Variants in CBFA2T3 observed in about 807,000 individuals in gnomAD.
CBFA2T3 encodes the protein transcriptional corepressor CBFA2T3.
In CBFA2T3, 31 loss-of-function variants were observed where a neutral mutation model predicts 58.6. The ratio of observed to expected loss-of-function variants is 0.53; its 90% CI spans 0.40 to 0.71. CBFA2T3 has a LOEUF of 0.71. Ranked by LOEUF, CBFA2T3 falls within the 30% of genes least tolerant of loss-of-function variation. The pLI, the probability that CBFA2T3 is intolerant of heterozygous loss-of-function variation, is 0.00. For synonymous variants in CBFA2T3, 531 were observed against 421.9 expected, an observed-to-expected ratio of 1.26 and a Z score of -3.17; for missense variants, 1,076 against 963.1, an observed-to-expected ratio of 1.12 and a Z score of -1.55.
At chr16:88,920,364 C>T (rs1447795299) in intron 1 of CBFA2T3, among the ~76,000 whole-genome samples, 1 of 152,156 alleles carries the variant, frequency 6.6e-6, no homozygotes, top group East Asian at 1.9e-4. Flanking sequence ...GCAACCTCTG[C>T]CTCTCAGGTT....
At chr16:88,938,755 C>T (rs1311632535) in intron 1 of CBFA2T3, 2 of 152,252 alleles carry the variant, frequency 1.3e-5, no homozygotes, top group Admixed American at 6.5e-5. Flanking sequence ...GCTTCTGGTT[C>T]CTCCCTGCCA....
chr16:88,950,338 C>A, intron 1 of CBFA2T3: 1 of 416,122 alleles, frequency 2.4e-6, no homozygotes, highest in South Asian at 1.7e-5. Flanking sequence ...GTTCACCCGT[C>A]CCCTGGACCG....
chr16:88,901,757 GCCCAGCGCTGGGGCAGTCTGC>G, intron 1 of CBFA2T3, 101 bp from the exon 2 acceptor site: 1 of 1,083,854 alleles, frequency 9.2e-7, no homozygotes. Context: ...CTGAGTGTCC[GCCCAGCGCTGGGGCAGTCTGC>G]CCCAGGTGTC....
intron 2 of CBFA2T3, among the ~76,000 whole-genome samples, chr16:88,898,906 G>C (rs1969995150): frequency 6.6e-6 from 1 of 152,258 alleles, no homozygotes; most frequent in African/African-American, 2.4e-5. Context: ...GCTGAAGTCA[G>C]TGGCGCAGGC....
rs551732395 is a variant in CBFA2T3 at position 88,953,129 on chromosome 16, C to T, written c.151+23528G>A. ...AGATCGGCCCCCAGTCCTGCTGGCCCCAGCGATGACAGAGGAGGAGGAATG... is the reference window on the plus strand; with the variant it reads ...AGATCGGCCCCCAGTCCTGCTGGCCTCAGCGATGACAGAGGAGGAGGAATG... On this transcript the variant is annotated intron_variant, in intron 1 of 11. Transcript: ENST00000268679. This position sits in a 1 kb window ranked among gnomAD's most constrained non-coding sequence, Gnocchi z 4.9. Among the ~76,000 whole-genome samples, 1 of 152,352 alleles carries T rather than the reference C, an allele frequency of 6.6e-6. No individual in the cohort carries two copies. The highest frequency in any genetic ancestry group is 2.1e-4 in the South Asian group (1 of 4,828).
In CBFA2T3 at chr16:88,876,330, A is replaced by G. The variant is rs1968827862; in HGVS notation, c.*646T>C. 1 of 228,278 alleles carries G rather than the reference A, an allele frequency of 4.4e-6. No homozygotes were observed. The highest frequency in any genetic ancestry group is 1.8e-4 in the South Asian group (1 of 5,486). The allele number at this position is 228,278 out of a possible 1,614,324, so 14.1% of individuals were successfully genotyped here. A position where few individuals can be genotyped will look rare whatever the true frequency, so the allele number is the denominator to read the frequency against. On this transcript the variant is annotated 3_prime_UTR_variant, in exon 12 of 12. Coordinates refer to ENST00000268679, the MANE Select transcript of CBFA2T3 (RefSeq NM_005187.6). ...AAACCAAAAATGCATCTTGAGTCAG[A>G]AATCGAAATCTTTCCTCCCGTCTTC... is the stretch of plus-strand genomic sequence containing the variant.
chr16:88,963,494 C>T (rs117791738), intron 1 of CBFA2T3, among the ~76,000 whole-genome samples: 1,940 of 152,314 alleles, frequency 0.013, 20 homozygotes, highest in Non-Finnish European at 0.019. Context: ...CTCCAGAGCA[C>T]ATCATCAACC....
At chr16:88,922,661 C>T (rs746666108) in intron 1 of CBFA2T3, among the ~76,000 whole-genome samples, 3 of 152,230 alleles carry the variant, frequency 2.0e-5, no homozygotes, top group Non-Finnish European at 4.4e-5. Flanking sequence ...AGCCAACCCA[C>T]GCCTGTTCCT....
intron 7 of CBFA2T3, 85 bp downstream of exon 7, chr16:88,884,961 T>G (rs1969297404): frequency 9.6e-7 from 1 of 1,042,436 alleles, no homozygotes; most frequent in African/African-American, 1.6e-5. Context: ...CGTGGTGCCC[T>G]GTGCCCACAT....
chr16:88,926,116 G>T (rs1971077974), intron 1 of CBFA2T3, among the ~76,000 whole-genome samples: 2 of 152,236 alleles, frequency 1.3e-5, no homozygotes, highest in Non-Finnish European at 2.9e-5. Flanking sequence ...GTGAAAGGGG[G>T]TTAATCCCAC....
intron 1 of CBFA2T3, among the ~76,000 whole-genome samples, chr16:88,970,589 G>A (rs73256248): frequency 0.084 from 12,740 of 152,324 alleles, 1,302 homozygotes; most frequent in African/African-American, 0.24. Context: ...AGGGATTGCC[G>A]TCTGCCCCTT....
intron 1 of CBFA2T3, among the ~76,000 whole-genome samples, chr16:88,944,193 C>T (rs1034227796): frequency 2.0e-4 from 30 of 151,912 alleles, no homozygotes; most frequent in African/African-American, 7.2e-5. Context: ...AAAAATTAGC[C>T]GGGCGTGGTT....
chr16:88,880,336 C>T (rs1969017053), intron 10 of CBFA2T3, among the ~76,000 whole-genome samples: 1 of 152,190 alleles, frequency 6.6e-6, no homozygotes, highest in Non-Finnish European at 1.5e-5. Context: ...GCAAATGTCC[C>T]CACAGCCTTG....
intron 1 of CBFA2T3, among the ~76,000 whole-genome samples, chr16:88,932,674 G>A (rs186731861): frequency 2.4e-4 from 36 of 151,374 alleles, no homozygotes; most frequent in East Asian, 7.9e-4. Flanking sequence ...GAGGCAGGGC[G>A]CGGTGGTTCA....
intron 1 of CBFA2T3, chr16:88,950,324 G>GTCAGTTC (rs1391514302): frequency 1.4e-5 from 4 of 280,970 alleles, no homozygotes; most frequent in Non-Finnish European, 3.0e-5. Flanking sequence ...TGTCTTCCGG[G>GTCAGTTC]TCAGTTCACC....
chr16:88,910,929 G>C (rs1160612069), intron 1 of CBFA2T3, among the ~76,000 whole-genome samples: 1 of 151,774 alleles, frequency 6.6e-6, no homozygotes, highest in Non-Finnish European at 1.5e-5. Context: ...GTGGGGATCT[G>C]GGGTGGGCAG....
chr16:88,970,190 G>A (rs1349401336), intron 1 of CBFA2T3, among the ~76,000 whole-genome samples: 1 of 151,930 alleles, frequency 6.6e-6, no homozygotes, highest in Non-Finnish European at 1.5e-5. Flanking sequence ...CCAGGAGGCG[G>A]TGGCGGCGGC....
intron 1 of CBFA2T3, among the ~76,000 whole-genome samples, chr16:88,966,125 G>T (rs1367342382): frequency 6.6e-6 from 1 of 152,236 alleles, no homozygotes; most frequent in Non-Finnish European, 1.5e-5. Context: ...GACGGAGTGG[G>T]CTTTCCCGGT....
At chr16:88,892,716 G>C (rs1209053291) in intron 3 of CBFA2T3, among the ~76,000 whole-genome samples, 2 of 152,202 alleles carry the variant, frequency 1.3e-5, no homozygotes, top group Non-Finnish European at 2.9e-5. Flanking sequence ...GCCCTGCTCT[G>C]AGAGGTCACA....
Sources: allele counts gnomAD v4.1 joint callset (sites outside exome capture counted in the v4.1 genomes callset), GRCh38; gene constraint gnomAD v4.1.1; non-coding constraint Gnocchi (gnomAD v3.1); transcripts MANE v1.5; gene names NCBI Gene and HGNC (gene_info 2026-07-23, HGNC 2026-07-21).